PEX5L: variants seen among roughly 807,000 people sequenced by gnomAD.
PEX5L encodes the protein PEX5-related protein.
Under a neutral mutation model 84.0 loss-of-function variants are expected in PEX5L, and 30 were observed. That is an observed-to-expected ratio of 0.36 (90% CI 0.27 to 0.48). The LOEUF is 0.48. PEX5L is among the 20% of genes least tolerant of loss of function. The pLI is 0.99. For missense variants in PEX5L, 533 were observed against 754.6 expected, an observed-to-expected ratio of 0.71 and a Z score of 3.44; for synonymous variants, 270 against 283.1, an observed-to-expected ratio of 0.95 and a Z score of 0.46.
chr3:180,035,996 G>C (rs1791874976), intron 1 of PEX5L, among the ~76,000 whole-genome samples: 1 of 152,122 alleles, frequency 6.6e-6, no homozygotes, highest in African/African-American at 2.4e-5. Context: ...CACCTCCCCT[G>C]AAAAACATTA....
intron 11 of PEX5L, among the ~76,000 whole-genome samples, chr3:179,811,251 A>G (rs1723709300): frequency 6.6e-6 from 1 of 151,894 alleles, no homozygotes; most frequent in South Asian, 2.1e-4. Flanking sequence ...GTGTGTGCAT[A>G]TGTATACGCA....
In PEX5L at chr3:179,875,379, T is replaced by C. The variant is rs1752002274; in HGVS notation, c.604A>G (p.Arg202Gly). The change falls in exon 6 of 15, where the codon AGA (arginine) becomes GGA (glycine). Residue 202 changes from arginine to glycine, a missense_variant. Arg to Gly is a moderately radical substitution (Grantham distance 125). This residue lies in a region of PEX5L where 259 missense variants were observed against 301.7 expected (regional missense o/e 0.86). Transcript: ENST00000467460. Reference sequence around the variant, plus strand: ...CATAAGAGCTCTTTTGATCCAGTTCTAGATGAGGATGATTTTCTCTCTGCC... The same window carrying C: ...CATAAGAGCTCTTTTGATCCAGTTCCAGATGAGGATGATTTTCTCTCTGCC... Reference protein sequence around the residue: ...PMAERKSSSSRTGSKELLWSS... With the variant: ...PMAERKSSSSGTGSKELLWSS... The C allele has an allele frequency of 6.2e-7, 1 of 1,613,910 alleles. No individual in the cohort carries two copies. The highest frequency in any genetic ancestry group is 1.3e-5 in the African/African-American group (1 of 75,050).
chr3:179,915,476 C>A (rs544234695), intron 2 of PEX5L, among the ~76,000 whole-genome samples: 1 of 152,306 alleles, frequency 6.6e-6, no homozygotes, highest in Admixed American at 6.5e-5. Context: ...TTGAAACCAA[C>A]ACAAATTACC....
In PEX5L at chr3:179,795,571, C is replaced by T. The variant is rs867370414; in HGVS notation, c.*6257G>A. On this transcript the variant is annotated 3_prime_UTR_variant, in exon 15 of 15. Transcript: ENST00000467460. ...TATGCCAATCACTTTAAAATCCCCT[C>T]CCCCCCATTGCCATTAATTTACTAT... 1 of 145,922 alleles carries T rather than the reference C, an allele frequency of 6.9e-6. No homozygotes were observed. The highest frequency in any genetic ancestry group is 2.1e-4 in the South Asian group (1 of 4,822). 9.0% of individuals were successfully genotyped at this position (145,922 alleles called of 1,614,324 possible).
intron 2 of PEX5L, among the ~76,000 whole-genome samples, chr3:179,959,087 TTC>T (rs1781373422): frequency 6.6e-6 from 1 of 151,358 alleles, no homozygotes; most frequent in African/African-American, 2.4e-5. Context: ...AAAAACCAGA[TTC>T]CTGGGCCCCA....
intron 8 of PEX5L, among the ~76,000 whole-genome samples, chr3:179,851,125 G>A (rs1741670910): frequency 6.6e-6 from 1 of 152,172 alleles, no homozygotes; most frequent in Admixed American, 6.5e-5. Context: ...TTTGAGTATG[G>A]CATCTGTTAG....
intron 4 of PEX5L, 78 bp downstream of exon 4, chr3:179,887,595 G>A: frequency 1.1e-6 from 1 of 905,608 alleles, no homozygotes; most frequent in Non-Finnish European, 1.8e-6. Context: ...CACTTAAAAT[G>A]TATTATGGAA....
intron 2 of PEX5L, among the ~76,000 whole-genome samples, chr3:179,930,116 A>C (rs1772621358): frequency 6.6e-6 from 1 of 152,198 alleles, no homozygotes; most frequent in Non-Finnish European, 1.5e-5. Flanking sequence ...CCACTGAATC[A>C]GACATTCTAG....
At chr3:179,968,719 GTGTC>G (rs1306172804) in intron 2 of PEX5L, among the ~76,000 whole-genome samples, 156 of 129,220 alleles carry the variant, frequency 1.2e-3, no homozygotes, top group Middle Eastern at 3.6e-3. Context: ...GTGTGTGTGT[GTGTC>G]TGTGTGTGTC....
chr3:179,915,967 A>G (rs1233801299), intron 2 of PEX5L, among the ~76,000 whole-genome samples: 1 of 152,240 alleles, frequency 6.6e-6, no homozygotes, highest in Non-Finnish European at 1.5e-5. Flanking sequence ...AGTGGATACA[A>G]TTATATCCTC....
At chr3:179,894,542 A>T (rs9874715) in intron 3 of PEX5L, among the ~76,000 whole-genome samples, 1 of 152,104 alleles carries the variant, frequency 6.6e-6, no homozygotes, top group African/African-American at 2.4e-5. Flanking sequence ...AAATGAACAG[A>T]TCACAGCTTG....
chr3:179,822,262 T>TA (rs1161862737), intron 8 of PEX5L, among the ~76,000 whole-genome samples: 1 of 152,230 alleles, frequency 6.6e-6, no homozygotes, highest in Non-Finnish European at 1.5e-5. Context: ...TAAAGCATAT[T>TA]ACAAGTCTTC....
At chr3:180,027,456 T>C (rs1241832426) in intron 1 of PEX5L, among the ~76,000 whole-genome samples, 5 of 152,218 alleles carry the variant, frequency 3.3e-5, no homozygotes, top group Admixed American at 6.5e-5. Flanking sequence ...CTGTATTGCT[T>C]TATCATTATC....
At chr3:179,926,514 A>C (rs1560748019) in intron 2 of PEX5L, among the ~76,000 whole-genome samples, 1 of 152,184 alleles carries the variant, frequency 6.6e-6, no homozygotes, top group Non-Finnish European at 1.5e-5. Context: ...TCACCTCCTC[A>C]GATGGGCCTC....
intron 8 of PEX5L, among the ~76,000 whole-genome samples, chr3:179,850,388 A>G (rs1382038353): frequency 6.6e-6 from 1 of 151,956 alleles, no homozygotes; most frequent in Non-Finnish European, 1.5e-5. Context: ...CAGCCTCCCA[A>G]AGTGCTGGGA....
intron 2 of PEX5L, among the ~76,000 whole-genome samples, chr3:179,960,590 G>A (rs895182728): frequency 6.6e-6 from 1 of 152,202 alleles, no homozygotes; most frequent in African/African-American, 2.4e-5. Context: ...TTTAACTCAA[G>A]TTCCTTGGAG....
At chr3:179,806,094 A>G (rs566977883) in intron 14 of PEX5L, among the ~76,000 whole-genome samples, 59 of 151,396 alleles carry the variant, frequency 3.9e-4, no homozygotes, top group African/African-American at 1.3e-3. Context: ...TTATATATAT[A>G]TATGTATTTT....
intron 1 of PEX5L, among the ~76,000 whole-genome samples, chr3:179,987,276 CTTCCTCCTTCA>C (rs1223714287): frequency 6.7e-6 from 1 of 150,136 alleles, no homozygotes; most frequent in African/African-American, 2.5e-5. Flanking sequence ...TTCTTCCTTC[CTTCCTCCTTCA>C]TTCCTCCCTT....
At chr3:179,879,750 G>A (rs1183934353) in intron 5 of PEX5L, among the ~76,000 whole-genome samples, 179 bp downstream of exon 5, 1 of 152,188 alleles carries the variant, frequency 6.6e-6, no homozygotes. Flanking sequence ...ATGCAAAGTT[G>A]AGCTCCCCAA....
Sources: allele counts gnomAD v4.1 joint callset (sites outside exome capture counted in the v4.1 genomes callset), GRCh38; gene constraint gnomAD v4.1.1; regional missense constraint gnomAD v4.1.1; transcripts MANE v1.5; gene names NCBI Gene and HGNC (gene_info 2026-07-23, HGNC 2026-07-21).